GABRG2: variants seen among roughly 807,000 people sequenced by gnomAD.
The protein encoded by GABRG2 is gamma-aminobutyric acid receptor subunit gamma-2.
Under a neutral mutation model 56.4 loss-of-function variants are expected in GABRG2, and 16 were observed. That is an observed-to-expected ratio of 0.28 (90% CI 0.19 to 0.43). GABRG2 has a LOEUF of 0.43. Among genes scored for constraint, GABRG2 ranks in the 20% least tolerant of loss-of-function variants. The probability of loss-of-function intolerance (pLI) is 1.00; values close to 1 mark genes in which losing one functional copy is unlikely to be tolerated. For synonymous variants in GABRG2, 208 were observed against 205.5 expected, an observed-to-expected ratio of 1.01 and a Z score of -0.10; for missense variants, 327 against 582.7, an observed-to-expected ratio of 0.56 and a Z score of 4.52.
intron 6 of GABRG2, chr5:162,128,500 A>G (rs934872008): frequency 6.6e-6 from 1 of 151,880 alleles, no homozygotes; most frequent in African/African-American, 2.4e-5. Context: ...CCTTCTCCTG[A>G]CATGTAGGAG....
intron 6 of GABRG2, among the ~76,000 whole-genome samples, chr5:162,140,154 T>A (rs1016761548): frequency 1.3e-5 from 2 of 152,194 alleles, no homozygotes; most frequent in African/African-American, 4.8e-5. Context: ...TGATAAAAAA[T>A]TTCTATCTTC....
chr5:162,117,452 A>T (rs1762694869), intron 6 of GABRG2, among the ~76,000 whole-genome samples: 1 of 152,144 alleles, frequency 6.6e-6, no homozygotes, highest in African/African-American at 2.4e-5. Context: ...GGAAAAAAAA[A>T]ATCCTTAATG....
At chr5:162,109,420 A>ATATATATATATATATATTTATTTATT (rs1424412323) in intron 6 of GABRG2, among the ~76,000 whole-genome samples, 3 of 116,130 alleles carry the variant, frequency 2.6e-5, no homozygotes, top group South Asian at 2.9e-4. Context: ...ATATATATAT[A>ATATATATATATATATATTTATTTATT]TATTTATTTA....
chr5:162,123,527 C>T (rs1357481297), intron 6 of GABRG2, among the ~76,000 whole-genome samples: 1 of 151,754 alleles, frequency 6.6e-6, no homozygotes, highest in East Asian at 1.9e-4. Context: ...TGAGCTCAAC[C>T]TGTCTTGGGA....
At chr5:162,102,088 G>A (rs1328996397) in intron 5 of GABRG2, 2 of 157,990 alleles carry the variant, frequency 1.3e-5, no homozygotes, top group Non-Finnish European at 2.8e-5. Flanking sequence ...CTCAACCAGG[G>A]AGTCCACCAA....
Position 162,101,310 on chromosome 5 carries a change from C to T in GABRG2, c.624C>T (p.Phe208=). The change falls in exon 5 of 10, where the codon TTC becomes TTT. Residue 208 remains phenylalanine, a synonymous_variant. Transcript: ENST00000639213. Reference sequence around the variant, plus strand: ...ATGAACACTCCTGCCCCTTGGAGTTCTCCAGTTGTAAGTAATATTCCTTCT... The same window carrying T: ...ATGAACACTCCTGCCCCTTGGAGTTTTCCAGTTGTAAGTAATATTCCTTCT... The part of the protein sequence containing the change: ...PMDEHSCPLE[F]SSYGYPREEI... 6.2e-7 allele frequency: 1 copy of T among 1,601,024 alleles called. No homozygotes were observed. Among genetic ancestry groups the T allele is most frequent in the Non-Finnish European group, 8.6e-7 (1 of 1,168,582 alleles).
chr5:162,097,850 C>T lies in GABRG2; in HGVS notation c.540C>T (p.Tyr180=). The change falls in exon 4 of 10, where the codon TAC becomes TAT. Residue 180 remains tyrosine, a synonymous_variant. Coordinates refer to ENST00000639213, the MANE Select transcript of GABRG2 (RefSeq NM_198904.4). ...TTTGGAATGATGGTCGAGTGCTCTACACCCTAAGGTATTCTTTTGCAAAAG... is the reference window on the plus strand; with the variant it reads ...TTTGGAATGATGGTCGAGTGCTCTATACCCTAAGGTATTCTTTTGCAAAAG... ...LRIWNDGRVL[Y]TLRLTIDAEC... is the part of the protein sequence containing the mutation. 1 of 1,612,286 alleles carries T rather than the reference C, an allele frequency of 6.2e-7. No individual in the cohort carries two copies. The highest frequency in any genetic ancestry group is 8.5e-7 in the Non-Finnish European group (1 of 1,178,764).
chr5:162,104,173 T>C (rs957506666), intron 6 of GABRG2, 147 bp downstream of exon 6: 5 of 768,182 alleles, frequency 6.5e-6, no homozygotes, highest in East Asian at 5.4e-5. Context: ...AAAATTATAA[T>C]TGAAATTCAA....
intron 1 of GABRG2, among the ~76,000 whole-genome samples, chr5:162,078,384 TATATATA>T (rs1759326934): frequency 8.5e-5 from 3 of 35,492 alleles, no homozygotes; most frequent in Non-Finnish European, 1.9e-4. Flanking sequence ...TATATATATA[TATATATA>T]TATATATTTT....
chr5:162,077,111 G>GTGT (rs1554096614), intron 1 of GABRG2, among the ~76,000 whole-genome samples: 2 of 134,236 alleles, frequency 1.5e-5, no homozygotes, highest in African/African-American at 6.4e-5. Context: ...GTGTGTGTGT[G>GTGT]ATGTTTCTAT....
At chr5:162,101,142 A>G in intron 4 of GABRG2, 93 bp from the exon 5 acceptor site, 1 of 872,322 alleles carries the variant, frequency 1.1e-6, no homozygotes, top group Non-Finnish European at 1.9e-6. Context: ...AATGTGAGAT[A>G]TTCTCTAGAA....
chr5:162,127,064 C>T (rs1441132762), intron 6 of GABRG2, among the ~76,000 whole-genome samples: 6 of 151,726 alleles, frequency 4.0e-5, no homozygotes, highest in African/African-American at 1.2e-4. Flanking sequence ...AGAATTCAAC[C>T]GTGGCACTCT....
chr5:162,088,712 C>T (rs1760325619), intron 1 of GABRG2, among the ~76,000 whole-genome samples: 1 of 151,986 alleles, frequency 6.6e-6, no homozygotes, highest in Non-Finnish European at 1.5e-5. Flanking sequence ...TTTCTCAAAG[C>T]CGTGAAGAAT....
intron 1 of GABRG2, among the ~76,000 whole-genome samples, chr5:162,075,371 T>A (rs1246624045): frequency 6.6e-6 from 1 of 152,114 alleles, no homozygotes; most frequent in Non-Finnish European, 1.5e-5. Context: ...CACCTACCAC[T>A]CAGTGTAATA....
chr5:162,112,476 C>G (rs1762323366), intron 6 of GABRG2, among the ~76,000 whole-genome samples: 1 of 152,116 alleles, frequency 6.6e-6, no homozygotes, highest in Non-Finnish European at 1.5e-5. Flanking sequence ...ATACTCTACA[C>G]ATAAACTAAT....
chr5:162,078,673 G>A (rs1759396797), intron 1 of GABRG2, among the ~76,000 whole-genome samples: 1 of 151,288 alleles, frequency 6.6e-6, no homozygotes, highest in African/African-American at 2.4e-5. Flanking sequence ...CCAAAATGCT[G>A]GGATTACAGG....
At chr5:162,084,547 A>G (rs1319557148) in intron 1 of GABRG2, among the ~76,000 whole-genome samples, 2 of 151,836 alleles carry the variant, frequency 1.3e-5, no homozygotes, top group African/African-American at 4.8e-5. Flanking sequence ...CATAGAGACC[A>G]ATTAAATCAG....
At chr5:162,111,426 A>G (rs1762246262) in intron 6 of GABRG2, among the ~76,000 whole-genome samples, 1 of 152,112 alleles carries the variant, frequency 6.6e-6, no homozygotes, top group Non-Finnish European at 1.5e-5. Context: ...TAAGGGGCGG[A>G]GGGAGATGGC....
rs181393021 is a variant in GABRG2 at position 162,078,619 on chromosome 5, A to C, written c.107+10513A>C. Among the ~76,000 whole-genome samples, 484 of 150,922 alleles carry C rather than the reference A, an allele frequency of 3.2e-3. 3 individuals are homozygous for C. The highest frequency in any genetic ancestry group is 0.011 in the African/African-American group (461 of 41,198). ...ACGAGGTTTCACCATGTTAGCCAGG[A>C]TGGTCTCAATCTCCTGACCTCCTGA... On this transcript the variant is annotated intron_variant, in intron 1 of 9. Coordinates refer to ENST00000639213, the MANE Select transcript of GABRG2 (RefSeq NM_198904.4).
Sources: allele counts gnomAD v4.1 joint callset (sites outside exome capture counted in the v4.1 genomes callset), GRCh38; gene constraint gnomAD v4.1.1; transcripts MANE v1.5; gene names NCBI Gene and HGNC (gene_info 2026-07-23, HGNC 2026-07-21).